GULP1: variants seen among roughly 807,000 people sequenced by gnomAD.
GULP1 encodes the protein GULP PTB domain containing engulfment adaptor 1.
GULP1 carries 19 observed loss-of-function variants against 40.9 expected under a neutral mutation model. The observed-to-expected ratio is 0.46, with a 90% CI of 0.32 to 0.68. The LOEUF is 0.68. Ranked by LOEUF, GULP1 falls within the 30% of genes least tolerant of loss-of-function variation. GULP1 has a pLI of 0.03. For missense variants in GULP1, 312 were observed against 362.2 expected, an observed-to-expected ratio of 0.86 and a Z score of 1.12; for synonymous variants, 119 against 117.6, an observed-to-expected ratio of 1.01 and a Z score of -0.08.
chr2:188,375,824 A>G (rs1028485331), intron 1 of GULP1, among the ~76,000 whole-genome samples: 5 of 152,120 alleles, frequency 3.3e-5, no homozygotes, highest in South Asian at 2.1e-4. Context: ...TTCTGTTTCT[A>G]TTGATCTTGG....
intron 1 of GULP1, among the ~76,000 whole-genome samples, chr2:188,320,631 TA>T (rs911712319): frequency 5.3e-5 from 8 of 151,966 alleles, no homozygotes; most frequent in South Asian, 2.1e-4. Context: ...CATGTTTTGT[TA>T]AAAAAAATAA....
At chr2:188,294,577 G>A (rs2034507686) in intron 1 of GULP1, among the ~76,000 whole-genome samples, 1 of 151,888 alleles carries the variant, frequency 6.6e-6, no homozygotes, top group Admixed American at 6.6e-5. Context: ...TGGGCTTAGG[G>A]GTTAAATGGT....
chr2:188,534,848 C>A (rs901308145), intron 6 of GULP1, among the ~76,000 whole-genome samples: 1 of 152,074 alleles, frequency 6.6e-6, no homozygotes, highest in African/African-American at 2.4e-5. Flanking sequence ...TTCTCCCAAC[C>A]TAAACCTCCT....
chr2:188,527,617 A>G (rs1282493586), intron 5 of GULP1, among the ~76,000 whole-genome samples: 1 of 152,348 alleles, frequency 6.6e-6, no homozygotes, highest in Admixed American at 6.5e-5. Context: ...ATCGTGCAGC[A>G]GTAAGACTGC....
At chr2:188,505,199 C>A (rs1050958065) in intron 4 of GULP1, among the ~76,000 whole-genome samples, 2 of 151,858 alleles carry the variant, frequency 1.3e-5, no homozygotes, top group South Asian at 2.1e-4. Context: ...AAAACCAATT[C>A]TTTCATAAGG....
At chr2:188,555,367 G>A (rs1283985469) in intron 7 of GULP1, among the ~76,000 whole-genome samples, 1 of 152,022 alleles carries the variant, frequency 6.6e-6, no homozygotes, top group Non-Finnish European at 1.5e-5. Flanking sequence ...TTTGTTTCCA[G>A]GTTTAAGACT....
At chr2:188,362,764 T>C (rs2046262120) in intron 1 of GULP1, among the ~76,000 whole-genome samples, 2 of 151,228 alleles carry the variant, frequency 1.3e-5, no homozygotes, top group South Asian at 4.2e-4. Context: ...TTTTCACTTG[T>C]AATCTGACTT....
chr2:188,399,109 T>C (rs1379545756), intron 2 of GULP1, among the ~76,000 whole-genome samples: 1 of 152,232 alleles, frequency 6.6e-6, no homozygotes, highest in African/African-American at 2.4e-5. Flanking sequence ...CTCTTATTCT[T>C]AGATCACAAG....
At chr2:188,496,765 G>C (rs538063358) in intron 4 of GULP1, among the ~76,000 whole-genome samples, 1 of 151,904 alleles carries the variant, frequency 6.6e-6, no homozygotes, top group African/African-American at 2.4e-5. Flanking sequence ...TGGAGGTGAA[G>C]CCTGATGGGA....
intron 6 of GULP1, among the ~76,000 whole-genome samples, chr2:188,532,106 A>G (rs1446131742): frequency 6.6e-6 from 1 of 152,166 alleles, no homozygotes; most frequent in Non-Finnish European, 1.5e-5. Flanking sequence ...AATATACTTT[A>G]TGTATCATTT....
intron 1 of GULP1, among the ~76,000 whole-genome samples, chr2:188,330,741 A>G (rs1346610603): frequency 6.6e-6 from 1 of 152,216 alleles, no homozygotes; most frequent in Non-Finnish European, 1.5e-5. Context: ...GTAAATTTAT[A>G]ATACTGAACT....
At position 188,514,082 on chromosome 2, in the gene GULP1, T is replaced by TGC. The variant is rs1553577811; in HGVS notation, c.91-8671_91-8670dup. Among the ~76,000 whole-genome samples, 278 of 149,316 alleles carry TGC rather than the reference T, an allele frequency of 1.9e-3. 1 individual carries two copies. Among genetic ancestry groups the TGC allele is most frequent in the African/African-American group, 5.2e-3 (207 of 40,188 alleles). The stretch of plus-strand genomic sequence containing the variant: ...GTGTGTGTGTGTGTGTGTGTGTGTG[T>TGC]GCGCCCTGCCACTGGGTGGCGTCCT... On this transcript the variant is annotated intron_variant, in intron 4 of 11. Coordinates refer to ENST00000409830, the MANE Select transcript of GULP1 (RefSeq NM_016315.4).
intron 7 of GULP1, 131 bp downstream of exon 7, chr2:188,541,449 A>C (rs1203223457): frequency 1.3e-6 from 1 of 783,628 alleles, no homozygotes. Context: ...GTCTGTAAAT[A>C]CTTAGCTGTA....
At chr2:188,371,704 G>A (rs1393799373) in intron 1 of GULP1, among the ~76,000 whole-genome samples, 1 of 152,058 alleles carries the variant, frequency 6.6e-6, no homozygotes, top group Admixed American at 6.6e-5. Flanking sequence ...AGTTAAGCAA[G>A]CATTTAATAG....
intron 9 of GULP1, 132 bp from the exon 10 acceptor site, chr2:188,584,133 G>A: frequency 5.3e-6 from 3 of 565,928 alleles, no homozygotes; most frequent in Non-Finnish European, 9.4e-6. Flanking sequence ...ACTATTTTTG[G>A]TCTACAAAAT....
intron 2 of GULP1, among the ~76,000 whole-genome samples, chr2:188,466,293 C>G (rs1256396071): frequency 7.7e-6 from 1 of 129,804 alleles, no homozygotes; most frequent in South Asian, 2.1e-4. Flanking sequence ...GTTTTTTTTT[C>G]CCCCCCCGGA....
chr2:188,347,124 G>T (rs1385994682), intron 1 of GULP1, among the ~76,000 whole-genome samples: 2 of 152,100 alleles, frequency 1.3e-5, no homozygotes, highest in Non-Finnish European at 2.9e-5. Context: ...AAGGAAATTG[G>T]GACTCAGAAA....
At chr2:188,313,936 A>T (rs1006090007) in intron 1 of GULP1, among the ~76,000 whole-genome samples, 16 of 151,912 alleles carry the variant, frequency 1.1e-4, no homozygotes, top group Non-Finnish European at 1.5e-4. Flanking sequence ...ATGTATTCCT[A>T]GGGAAAATGC....
chr2:188,433,932 C>CA (rs2057157473), intron 2 of GULP1, among the ~76,000 whole-genome samples: 1 of 117,504 alleles, frequency 8.5e-6, no homozygotes, highest in Non-Finnish European at 1.9e-5. Context: ...CTACCTTATA[C>CA]CTTTTTTTTT....
Sources: gnomAD v4.1 joint callset for allele counts (sites outside exome capture counted in the v4.1 genomes callset) on GRCh38, gnomAD v4.1.1 for gene constraint, MANE v1.5 for transcripts, NCBI Gene and HGNC (gene_info 2026-07-23, HGNC 2026-07-21) for gene names.